The following PPFIA2 variants were observed in gnomAD, a reference collection of about 807,000 sequenced individuals.
The protein encoded by PPFIA2 is liprin-alpha-2.
A neutral mutation model predicts 175.5 loss-of-function variants in PPFIA2; 46 were observed. That is an observed-to-expected ratio of 0.26 (90% CI 0.21 to 0.34). PPFIA2 has a LOEUF of 0.34. Ranked by LOEUF, PPFIA2 falls within the 10% of genes least tolerant of loss-of-function variation. The pLI, the probability that PPFIA2 is intolerant of heterozygous loss-of-function variation, is 1.00. For missense variants in PPFIA2, 1,179 were observed against 1,506.1 expected, an observed-to-expected ratio of 0.78 and a Z score of 3.60; for synonymous variants, 568 against 511.4, an observed-to-expected ratio of 1.11 and a Z score of -1.49.
At chr12:81,641,124 C>T (rs2153515237) in intron 4 of PPFIA2, among the ~76,000 whole-genome samples, 1 of 152,252 alleles carries the variant, frequency 6.6e-6, no homozygotes, top group South Asian at 2.1e-4. Flanking sequence ...TTCAAATCTT[C>T]TCTTCCAGCT....
At chr12:81,679,628 C>T (rs1004355722) in intron 3 of PPFIA2, among the ~76,000 whole-genome samples, 17 of 151,810 alleles carry the variant, frequency 1.1e-4, no homozygotes, top group African/African-American at 3.1e-4. Flanking sequence ...AAATCAATTA[C>T]GAATTCATGG....
At chr12:81,734,981 CTTG>C (rs2081382633) in intron 3 of PPFIA2, among the ~76,000 whole-genome samples, 1 of 151,650 alleles carries the variant, frequency 6.6e-6, no homozygotes, top group African/African-American at 2.4e-5. Flanking sequence ...AAGTTTCATT[CTTG>C]TTGTAGTGCT....
At chr12:81,633,107 T>C (rs1000273957) in intron 4 of PPFIA2, among the ~76,000 whole-genome samples, 4 of 152,162 alleles carry the variant, frequency 2.6e-5, no homozygotes, top group Non-Finnish European at 4.4e-5. Flanking sequence ...TAGTAAATGA[T>C]GAATGTGGCA....
At chr12:81,650,555 T>A (rs768431645) in intron 4 of PPFIA2, among the ~76,000 whole-genome samples, 135 of 152,154 alleles carry the variant, frequency 8.9e-4, no homozygotes, top group Admixed American at 4.6e-4. Flanking sequence ...GAGAATGTTC[T>A]GGAGCAAGGG....
chr12:81,483,412 T>C (rs1400295900), intron 4 of PPFIA2, among the ~76,000 whole-genome samples: 1 of 152,126 alleles, frequency 6.6e-6, no homozygotes, highest in Non-Finnish European at 1.5e-5. Context: ...TAACAAAGAT[T>C]AATCTTGAAA....
intron 27 of PPFIA2, among the ~76,000 whole-genome samples, chr12:81,280,343 A>C (rs1329744875): frequency 2.0e-5 from 3 of 152,184 alleles, no homozygotes; most frequent in Non-Finnish European, 4.4e-5. Context: ...TTAATTCAAC[A>C]GTGTCAACAA....
At chr12:81,312,434 A>T in intron 22 of PPFIA2, 1 of 431,764 alleles carries the variant, frequency 2.3e-6, no homozygotes. Context: ...TGAAACATGC[A>T]TGACCACATT....
intron 4 of PPFIA2, among the ~76,000 whole-genome samples, chr12:81,572,008 C>A (rs1256474613): frequency 2.6e-5 from 4 of 152,008 alleles, no homozygotes; most frequent in Non-Finnish European, 5.9e-5. Context: ...TATGCAAGAG[C>A]ACTGAAGAGA....
At chr12:81,694,944 C>T (rs1418347529) in intron 3 of PPFIA2, among the ~76,000 whole-genome samples, 1 of 152,158 alleles carries the variant, frequency 6.6e-6, no homozygotes, top group Non-Finnish European at 1.5e-5. Flanking sequence ...AATGACTATC[C>T]TCTTTGGTTT....
At chr12:81,646,961 T>C (rs1197254293) in intron 4 of PPFIA2, among the ~76,000 whole-genome samples, 1 of 151,228 alleles carries the variant, frequency 6.6e-6, no homozygotes, top group Non-Finnish European at 1.5e-5. Context: ...AGCAACAAAA[T>C]AGTCCATAGA....
At chr12:81,567,745 T>C (rs560226828) in intron 4 of PPFIA2, among the ~76,000 whole-genome samples, 2 of 152,188 alleles carry the variant, frequency 1.3e-5, no homozygotes, top group African/African-American at 4.8e-5. Context: ...ATTCCAGGGC[T>C]TATGTGTCTC....
At chr12:81,736,742 A>C (rs963531241) in intron 3 of PPFIA2, among the ~76,000 whole-genome samples, 13 of 152,058 alleles carry the variant, frequency 8.5e-5, no homozygotes, top group Middle Eastern at 3.4e-3. Flanking sequence ...AATCATTTTA[A>C]GCTATCTTTT....
chr12:81,294,304 T>A (rs1044760710), intron 24 of PPFIA2, among the ~76,000 whole-genome samples: 2 of 151,892 alleles, frequency 1.3e-5, no homozygotes, highest in Non-Finnish European at 2.9e-5. Flanking sequence ...ATAAAAAATA[T>A]TAAAACTAAA....
Position 81,597,877 on chromosome 12 carries a change from T to C in PPFIA2, c.303+78914A>G, listed in dbSNP as rs935405959. 3.5e-6 allele frequency: 5 copies of C among 1,410,544 alleles called. No homozygotes were observed. The Admixed American group carries it at 8.5e-5, about 24-fold the overall frequency. The allele number at this position is 1,410,544 out of a possible 1,614,324, so 87.4% of individuals were successfully genotyped here. ...TCCAACCTTTTTAAGTCTTTCTTCC[T>C]TTATATAGCACTTTGTTAAAAGTTT... On this transcript the variant is annotated intron_variant, in intron 4 of 32. Transcript: ENST00000549396.
chr12:81,355,356 T>C (rs1487626917), intron 16 of PPFIA2, among the ~76,000 whole-genome samples: 1 of 152,182 alleles, frequency 6.6e-6, no homozygotes, highest in Non-Finnish European at 1.5e-5. Context: ...TGTTGTTGCA[T>C]TCATAGAGCA....
In PPFIA2 at chr12:81,374,753, T is replaced by C; in HGVS notation, c.1147A>G (p.Arg383Gly). The change falls in exon 11 of 33, where the codon AGA becomes GGA. Residue 383 changes from arginine (R) to glycine (G), a missense_variant. Around this residue, in one of 10 missense-constraint regions of PPFIA2, gnomAD observed 226 missense variants for 216.6 expected, o/e 1.04. Transcript: ENST00000549396. ...AGCTCAAGACGTTCTTGTAACTGTC[T>C]GTTTTTCTCTTCCATCTGAAATGGG... ...AILRQMEEKN[R>G]QLQERLELAE... is the part of the protein sequence containing the mutation. 5.0e-6 allele frequency: 8 copies of C among 1,612,606 alleles called. No homozygotes were observed. The highest frequency in any genetic ancestry group is 6.8e-6 in the Non-Finnish European group (8 of 1,179,132).
intron 7 of PPFIA2, among the ~76,000 whole-genome samples, chr12:81,416,066 C>T (rs1237370185): frequency 1.3e-5 from 2 of 151,452 alleles, no homozygotes; most frequent in South Asian, 4.2e-4. Flanking sequence ...TTATATTGGT[C>T]AGAAGAATTA....
chr12:81,347,756 T>C lies in PPFIA2; in HGVS notation c.2009A>G (p.Glu670Gly). 6.2e-7 allele frequency: 1 copy of C among 1,613,792 alleles called. No homozygotes were observed. The highest frequency in any genetic ancestry group is 8.5e-7 in the Non-Finnish European group (1 of 1,179,796). The change falls in exon 18 of 33, where the codon GAA becomes GGA. Residue 670 changes from glutamate (E) to glycine (G), a missense_variant. By Grantham distance (98) the Glu-to-Gly change is moderately conservative. This residue lies in a region of PPFIA2 where 223 missense variants were observed against 241.6 expected (regional missense o/e 0.92). Transcript: ENST00000549396. Reference sequence around the variant, plus strand: ...AGCACGCAACTCTGTAGATTCTTTTTCTTCCTGAATTAGCCTGAAAGATAC... The same window carrying C: ...AGCACGCAACTCTGTAGATTCTTTTCCTTCCTGAATTAGCCTGAAAGATAC... ...INKEIRLIQE[E>G]KESTELRAEE...
intron 21 of PPFIA2, among the ~76,000 whole-genome samples, chr12:81,326,079 G>A (rs2139810047): frequency 6.6e-6 from 1 of 152,168 alleles, no homozygotes; most frequent in South Asian, 2.1e-4. Flanking sequence ...AGTACCTATG[G>A]GGATATAATT....
Sources: gnomAD v4.1 joint callset for allele counts (sites outside exome capture counted in the v4.1 genomes callset) on GRCh38, gnomAD v4.1.1 for gene constraint, gnomAD v4.1.1 regional missense constraint, MANE v1.5 for transcripts, NCBI Gene and HGNC (gene_info 2026-07-23, HGNC 2026-07-21) for gene names.